Variants in CIB1 observed in about 807,000 individuals in gnomAD.
CIB1 encodes calcium and integrin-binding protein 1.
CIB1 carries 19 observed loss-of-function variants against 25.0 expected under a neutral mutation model. The ratio of observed to expected loss-of-function variants is 0.76; its 90% CI spans 0.53 to 1.12. The LOEUF (loss-of-function observed/expected upper bound fraction) is 1.12, where lower values mean the gene tolerates loss of function less well. Ranked by LOEUF, CIB1 falls within the 50% of genes most tolerant of loss-of-function variation. The pLI is 0.00. For missense variants in CIB1, 236 were observed against 242.6 expected (o/e 0.97, Z 0.18); for synonymous variants, 104 against 98.5 (o/e 1.06, Z -0.33).
At chr15:90,240,974 C>A in the CIB1 span, 1 of 1,613,648 alleles carries the variant, frequency 6.2e-7, no homozygotes, top group Non-Finnish European at 8.5e-7. Flanking sequence ...AGGACTGGGG[C>A]AGGCAAACCA....
chr15:90,263,740 C>G, the CIB1 span: 1 of 686,220 alleles, frequency 1.5e-6, no homozygotes. Context: ...TCTCCTCTAG[C>G]CTAGATTTTG....
chr15:90,262,143 C>T, the CIB1 span: 1 of 1,535,736 alleles, frequency 6.5e-7, no homozygotes, highest in Non-Finnish European at 8.7e-7. Context: ...CACAATGGCT[C>T]CCTCTTCCAA....
At chr15:90,256,542 C>T in the CIB1 span, among the ~76,000 whole-genome samples, 1 of 146,322 alleles carries the variant, frequency 6.8e-6, no homozygotes, top group African/African-American at 2.5e-5. Flanking sequence ...CTGTCTCCTT[C>T]CTTTTTCTTT....
At chr15:90,234,199 T>C (rs367726232), upstream of CIB1, 457 of 295,348 alleles carry the variant, frequency 1.5e-3, 3 homozygotes, top group African/African-American at 9.1e-3. Flanking sequence ...CGCGCGTGCG[T>C]GCTGGCTGCG....
chr15:90,257,979 C>A, the CIB1 span: 1 of 1,526,742 alleles, frequency 6.5e-7, no homozygotes, highest in Admixed American at 1.7e-5. Context: ...GAGCCTCCTG[C>A]CTACAGCCTG....
chr15:90,237,859 G>T (rs1962668962), upstream of CIB1, among the ~76,000 whole-genome samples: 1 of 152,080 alleles, frequency 6.6e-6, no homozygotes, highest in Non-Finnish European at 1.5e-5. Context: ...GGCTGAGGTG[G>T]ATGGATTGCT....
the CIB1 span, among the ~76,000 whole-genome samples, chr15:90,248,492 G>T: frequency 6.6e-6 from 1 of 151,808 alleles, no homozygotes; most frequent in South Asian, 2.1e-4. Context: ...AGGTGGGCAG[G>T]TCACTTGAGG....
At chr15:90,239,543 T>C in the CIB1 span, among the ~76,000 whole-genome samples, 4 of 152,084 alleles carry the variant, frequency 2.6e-5, no homozygotes, top group Admixed American at 1.3e-4. Flanking sequence ...GTAAAGCCTC[T>C]TATAAAACCA....
At chr15:90,256,543 CTTTTTCTTTCTTTCTT>C in the CIB1 span, among the ~76,000 whole-genome samples, 35 of 141,210 alleles carry the variant, frequency 2.5e-4, no homozygotes, top group African/African-American at 9.0e-4. Flanking sequence ...TGTCTCCTTC[CTTTTTCTTTCTTTCTT>C]TCTTTCTTTC....
the CIB1 span, chr15:90,256,290 T>A: frequency 6.2e-7 from 1 of 1,614,006 alleles, no homozygotes; most frequent in Non-Finnish European, 8.5e-7. Context: ...CAGCAATACA[T>A]CTCCAAGGTG....
the CIB1 span, chr15:90,241,065 G>A: frequency 2.4e-5 from 38 of 1,614,098 alleles, no homozygotes; most frequent in Non-Finnish European, 3.1e-5. Flanking sequence ...CATCCCAGAT[G>A]CTCTGCCACA....
the CIB1 span, chr15:90,258,880 A>C: frequency 6.2e-7 from 1 of 1,614,196 alleles, no homozygotes; most frequent in Non-Finnish European, 8.5e-7. Flanking sequence ...ATAAGCGGCG[A>C]GTCAAGGAAC....
intron 2 of CIB1, 122 bp from the exon 3 acceptor site, chr15:90,232,449 TTCCGAGTCA>T: frequency 2.8e-6 from 4 of 1,425,380 alleles, no homozygotes; most frequent in Non-Finnish European, 3.7e-6. Flanking sequence ...TACACAGAAC[TTCCGAGTCA>T]TCAGGCAACG....
the CIB1 span, chr15:90,262,354 A>G: frequency 2.1e-4 from 238 of 1,136,724 alleles, no homozygotes; most frequent in African/African-American, 3.5e-3. Context: ...TAGGTTTCCT[A>G]TCTTCCCCTC....
the CIB1 span, chr15:90,257,817 G>T: frequency 7.8e-7 from 1 of 1,288,436 alleles, no homozygotes; most frequent in Non-Finnish European, 1.1e-6. Context: ...GAGGCTAATT[G>T]CCCAGGGAAA....
chr15:90,230,296 G>A lies in CIB1; in HGVS notation c.*188C>T, dbSNP rs1361578649. ...ACTGATTAGTACAAACACAAACGGA[G>A]CAATGACAACAGCAGTGAGGAGAGG... is the stretch of plus-strand genomic sequence containing the variant. On this transcript the variant is annotated 3_prime_UTR_variant, in exon 7 of 7. Transcript: ENST00000328649. 6.3e-6 allele frequency: 4 copies of A among 633,936 alleles called. No individual in the cohort carries two copies. Among genetic ancestry groups the A allele is most frequent in the Non-Finnish European group, 1.1e-5 (4 of 352,958 alleles). The allele number at this position is 633,936 out of a possible 1,614,324, so 39.3% of individuals were successfully genotyped here. A position where few individuals can be genotyped will look rare whatever the true frequency, so the allele number is the denominator to read the frequency against.
the CIB1 span, chr15:90,257,401 C>A: frequency 1.4e-6 from 2 of 1,395,026 alleles, no homozygotes; most frequent in Non-Finnish European, 1.9e-6. Context: ...CCAGCAAGAG[C>A]TGCAGCATCT....
the CIB1 span, chr15:90,242,694 G>C: frequency 1.3e-5 from 2 of 151,750 alleles, no homozygotes; most frequent in Non-Finnish European, 2.9e-5. Flanking sequence ...TGATCCGCCC[G>C]CCTCGGCCTC....
upstream of CIB1, among the ~76,000 whole-genome samples, chr15:90,235,394 CAT>C (rs1186998509): frequency 5.3e-5 from 8 of 152,146 alleles, no homozygotes; most frequent in African/African-American, 1.9e-4. Flanking sequence ...GGCAAAACCC[CAT>C]CTCTACTAAA....
Sources: gnomAD v4.1 joint callset for allele counts (sites outside exome capture counted in the v4.1 genomes callset) on GRCh38, gnomAD v4.1.1 for gene constraint, MANE v1.5 for transcripts, NCBI Gene and HGNC (gene_info 2026-07-23, HGNC 2026-07-21) for gene names.